The following CES5A variants were observed in gnomAD, a reference collection of about 807,000 sequenced individuals.
The protein encoded by CES5A is carboxylesterase 5.
In CES5A, 67 loss-of-function variants were observed where a neutral mutation model predicts 62.9. The ratio of observed to expected loss-of-function variants is 1.07; its 90% CI spans 0.88 to 1.31. The LOEUF (loss-of-function observed/expected upper bound fraction) is 1.31. Among genes scored for constraint, CES5A ranks in the 50% most tolerant of loss-of-function variants. The pLI is 0.00. For missense variants in CES5A, 748 were observed against 708.5 expected (o/e 1.06, Z -0.63); for synonymous variants, 296 against 280.8 (o/e 1.05, Z -0.54).
At chr16:55,955,708 C>T (rs2034602087) in intron 1 of CES5A, 1 of 902,892 alleles carries the variant, frequency 1.1e-6, no homozygotes, top group Non-Finnish European at 1.7e-6. Flanking sequence ...AGGTATCCAT[C>T]TAGCCTACCG....
chr16:55,869,374 C>T lies in CES5A; in HGVS notation c.551+237G>A, dbSNP rs143606070. ...GGTTGACCATGAGGAAGAATGTCTG[C>T]CGATCAGGGATGCTCAATTAAACTT... On this transcript the variant is annotated intron_variant, in intron 4 of 12. Coordinates refer to ENST00000290567, the MANE Select transcript of CES5A (RefSeq NM_001143685.2). 1.9e-3 allele frequency: 1,088 copies of T among 570,708 alleles called. 4 individuals carry two copies. The highest frequency in any genetic ancestry group is 4.4e-3 in the Admixed American group (105 of 23,600). 35.4% of individuals were successfully genotyped at this position (570,708 alleles called of 1,614,324 possible). A position where few individuals can be genotyped will look rare whatever the true frequency, so the allele number is the denominator to read the frequency against.
In CES5A at chr16:55,846,932, C is replaced by T; in HGVS notation, c.1424-92G>A. On this transcript the variant is annotated intron_variant, in intron 11 of 12. Transcript: ENST00000290567. ...TTTGATTAATCCTTTTCACACCCCTCCTCCCACTGTAAACTTACAAGCCTA... is the reference window on the plus strand; with the variant it reads ...TTTGATTAATCCTTTTCACACCCCTTCTCCCACTGTAAACTTACAAGCCTA... 4 of 1,012,126 alleles carry T rather than the reference C, an allele frequency of 4.0e-6. No homozygotes were observed. The South Asian group carries it at 4.1e-5, about 10-fold the overall frequency. 62.7% of individuals were successfully genotyped at this position (1,012,126 alleles called of 1,614,324 possible).
intron 1 of CES5A, among the ~76,000 whole-genome samples, chr16:55,905,621 A>G (rs1271947050): frequency 6.6e-6 from 1 of 151,900 alleles, no homozygotes; most frequent in Non-Finnish European, 1.5e-5. Flanking sequence ...CAGCCTCCCA[A>G]AGTGCTAGGA....
rs184490464 is a variant in CES5A at position 55,952,570 on chromosome 16, C to A, written c.43-2668G>T. On this transcript the variant is annotated intron_variant, in intron 1 of 13. Transcript: ENST00000521992. Reference sequence around the variant, plus strand: ...TGAGTAATGGTCACAAAAATAACAACATTAAGAAGTAATAGAGACATAGTA... The same window carrying A: ...TGAGTAATGGTCACAAAAATAACAAAATTAAGAAGTAATAGAGACATAGTA... 8.8e-4 allele frequency among the ~76,000 whole-genome samples: 134 copies of A among 152,090 alleles called. 1 individual carries two copies. Among genetic ancestry groups the A allele is most frequent in the African/African-American group, 3.1e-3 (127 of 41,516 alleles).
chr16:55,936,792 T>C (rs1300376277), intron 2 of CES5A, among the ~76,000 whole-genome samples: 2 of 152,226 alleles, frequency 1.3e-5, no homozygotes, highest in Non-Finnish European at 2.9e-5. Flanking sequence ...GAGGAAAACA[T>C]TTTTTGAGTA....
chr16:55,881,004 G>A (rs2033755727), intron 1 of CES5A, among the ~76,000 whole-genome samples: 1 of 152,170 alleles, frequency 6.6e-6, no homozygotes, highest in Admixed American at 6.5e-5. Flanking sequence ...GTTAAAGTTA[G>A]GTCACCAACA....
At chr16:55,862,733 TATGCATTGA>T (rs2033378306) in intron 6 of CES5A, among the ~76,000 whole-genome samples, 2 of 152,336 alleles carry the variant, frequency 1.3e-5, no homozygotes, top group South Asian at 4.1e-4. Flanking sequence ...GCTTAATTAA[TATGCATTGA>T]ATGAAACAGC....
At chr16:55,898,839 C>A (rs1362966249) in intron 1 of CES5A, among the ~76,000 whole-genome samples, 1 of 152,026 alleles carries the variant, frequency 6.6e-6, no homozygotes, top group African/African-American at 2.4e-5. Flanking sequence ...GGCATGGTCA[C>A]CCTCATGACC....
Position 55,866,134 on chromosome 16 carries a change from G to A in CES5A, c.552-18C>T. 2 of 1,600,040 alleles carry A rather than the reference G, an allele frequency of 1.2e-6. No individual in the cohort carries two copies. Among genetic ancestry groups the A allele is most frequent in the Non-Finnish European group, 1.7e-6 (2 of 1,171,808 alleles). On this transcript the variant is annotated intron_variant, in intron 4 of 12. Coordinates refer to ENST00000290567, the MANE Select transcript of CES5A (RefSeq NM_001143685.2). ...CCCATGTGCTGAGGACAAGAGGCAGGGTGAGAATTCTTGGTCAGCCATGGT... is the reference window on the plus strand; with the variant it reads ...CCCATGTGCTGAGGACAAGAGGCAGAGTGAGAATTCTTGGTCAGCCATGGT...
chr16:55,884,709 AG>A (rs2033797110), intron 1 of CES5A, among the ~76,000 whole-genome samples: 1 of 152,004 alleles, frequency 6.6e-6, no homozygotes, highest in Admixed American at 6.6e-5. Flanking sequence ...CTCCTTCCTC[AG>A]CCTCCCAAGT....
chr16:55,944,432 C>CT, intron 2 of CES5A: 1 of 248,012 alleles, frequency 4.0e-6, no homozygotes, highest in Non-Finnish European at 7.9e-6. Context: ...GCGGTCCAAC[C>CT]TTTTTTCCCC....
At chr16:55,912,895 G>A (rs1219459733) in intron 1 of CES5A, among the ~76,000 whole-genome samples, 1 of 152,130 alleles carries the variant, frequency 6.6e-6, no homozygotes, top group Non-Finnish European at 1.5e-5. Flanking sequence ...CCAGGTGTGG[G>A]CATGAGGTCA....
chr16:55,856,003 G>A (rs2033236193), intron 9 of CES5A, among the ~76,000 whole-genome samples: 1 of 151,974 alleles, frequency 6.6e-6, no homozygotes, highest in Non-Finnish European at 1.5e-5. Flanking sequence ...AAAAGTGTGT[G>A]GCACCTCCTC....
At chr16:55,905,766 T>TAAAGTTGGGCCA (rs2034035034) in intron 1 of CES5A, among the ~76,000 whole-genome samples, 1 of 152,164 alleles carries the variant, frequency 6.6e-6, no homozygotes, top group African/African-American at 2.4e-5. Flanking sequence ...AGCACACAGA[T>TAAAGTTGGGCCA]AAAGTTGGGC....
chr16:55,907,845 T>C (rs1161207991), intron 1 of CES5A, among the ~76,000 whole-genome samples: 1 of 152,034 alleles, frequency 6.6e-6, no homozygotes. Flanking sequence ...GATGAGCGGG[T>C]CTGTGGAATT....
At chr16:55,890,743 A>G (rs1388979372) in intron 1 of CES5A, among the ~76,000 whole-genome samples, 2 of 152,086 alleles carry the variant, frequency 1.3e-5, no homozygotes, top group Non-Finnish European at 2.9e-5. Flanking sequence ...CAAATATCCA[A>G]GGGGTCTGGG....
chr16:55,949,205 G>A (rs2034528680), intron 2 of CES5A, among the ~76,000 whole-genome samples: 1 of 151,970 alleles, frequency 6.6e-6, no homozygotes. Context: ...TGATCTTGGG[G>A]TCACTGCCAG....
At chr16:55,886,580 C>T (rs1200544167) in intron 1 of CES5A, among the ~76,000 whole-genome samples, 2 of 152,188 alleles carry the variant, frequency 1.3e-5, no homozygotes, top group African/African-American at 4.8e-5. Context: ...CTGATCTTGG[C>T]AATACTGCTC....
At chr16:55,917,223 T>G (rs926042572) in intron 1 of CES5A, among the ~76,000 whole-genome samples, 2 of 152,238 alleles carry the variant, frequency 1.3e-5, no homozygotes, top group Admixed American at 1.3e-4. Flanking sequence ...ACCTCTCCCT[T>G]AAGCTCCAAG....
Sources: gnomAD v4.1 joint callset for allele counts (sites outside exome capture counted in the v4.1 genomes callset) on GRCh38, gnomAD v4.1.1 for gene constraint, MANE v1.5 for transcripts, NCBI Gene and HGNC (gene_info 2026-07-23, HGNC 2026-07-21) for gene names.